The following ZNF596 variants were observed in gnomAD, a reference collection of about 807,000 sequenced individuals.
The protein encoded by ZNF596 is zinc finger protein 596.
A neutral mutation model predicts 48.3 loss-of-function variants in ZNF596; 45 were observed. That is an observed-to-expected ratio of 0.93 (90% confidence interval 0.73 to 1.19). ZNF596 has a LOEUF of 1.19. Among genes scored for constraint, ZNF596 ranks in the 50% most tolerant of loss-of-function variants. ZNF596 has a pLI of 0.00. For synonymous variants in ZNF596, 270 were observed against 202.0 expected (o/e 1.34, Z -2.85); for missense variants, 848 against 599.7 (o/e 1.41, Z -4.32).
rs1225139675 is a variant in ZNF596, at chr8:240,916, G to T, written c.12+9G>T. The T allele has an allele frequency of 1.2e-6, 2 of 1,613,934 alleles. No homozygotes were observed. Among genetic ancestry groups the T allele is most frequent in the Admixed American group, 1.7e-5 (1 of 59,990 alleles). On this transcript the variant is annotated intron_variant, in intron 2 of 5. Transcript: ENST00000398612. ...GTACAATGCCATCACCGGTGAGTGG[G>T]AAATTCTTCTTTCTACTGAAATTTG...
intron 1 of ZNF596, among the ~76,000 whole-genome samples, chr8:236,273 T>G (rs1347254567): frequency 6.6e-6 from 1 of 152,240 alleles, no homozygotes; most frequent in Admixed American, 6.5e-5. Context: ...ATATTCATAA[T>G]AGTTTTGCCC....
At chr8:244,726 G>T in intron 5 of ZNF596, 25 bp downstream of exon 5, 2 of 1,580,920 alleles carry the variant, frequency 1.3e-6, no homozygotes, top group Non-Finnish European at 1.7e-6. Flanking sequence ...TGCAAACCCT[G>T]TTCTTACATA....
chr8:239,091 T>G (rs531231406), intron 1 of ZNF596, among the ~76,000 whole-genome samples: 1 of 152,248 alleles, frequency 6.6e-6, no homozygotes, highest in South Asian at 2.1e-4. Context: ...AGACAGGTTA[T>G]TTGAAATTAT....
intron 1 of ZNF596, among the ~76,000 whole-genome samples, chr8:236,727 T>A (rs892787142): frequency 6.6e-6 from 1 of 152,228 alleles, no homozygotes; most frequent in Non-Finnish European, 1.5e-5. Context: ...ATCCTTTTAT[T>A]ATTGCAATAA....
rs1193106799 is a variant in ZNF596 at position 246,742 on chromosome 8, C to G, written c.*380C>G. The G allele has an allele frequency of 5.7e-6, 1 of 174,098 alleles. No individual in the cohort carries two copies. The allele number at this position is 174,098 out of a possible 1,614,324, so 10.8% of individuals were successfully genotyped here. On this transcript the variant is annotated 3_prime_UTR_variant, in exon 6 of 6. Coordinates refer to ENST00000398612, the MANE Select transcript of ZNF596 (RefSeq NM_001042416.3). ...AATCCACAGGCAAGCAACCATATGT[C>G]TGTAATTGCTGTGCACTCTCATTCA...
In ZNF596 at chr8:232,650, C is replaced by T. The variant is rs1796452783; in HGVS notation, c.-117C>T. 2 of 371,470 alleles carry T rather than the reference C, an allele frequency of 5.4e-6. No homozygotes were observed. Among genetic ancestry groups the T allele is most frequent in the Admixed American group, 3.8e-5 (1 of 26,622 alleles). 23.0% of individuals were successfully genotyped at this position (371,470 alleles called of 1,614,324 possible). ...GTCGCCCCTGTCCGGCCCTTCCACC[C>T]TAGTTCTCTTCACCGTCCGCCCATC... On this transcript the variant is annotated 5_prime_UTR_variant, in exon 1 of 6. Coordinates refer to ENST00000398612, the MANE Select transcript of ZNF596 (RefSeq NM_001042416.3).
At chr8:241,445 T>C (rs550601830) in intron 2 of ZNF596, among the ~76,000 whole-genome samples, 1 of 152,180 alleles carries the variant, frequency 6.6e-6, no homozygotes. Flanking sequence ...AAAATCTTAA[T>C]GTCTTGAGAG....
At chr8:239,836 G>T (rs1435226153) in intron 1 of ZNF596, among the ~76,000 whole-genome samples, 2 of 152,056 alleles carry the variant, frequency 1.3e-5, no homozygotes, top group African/African-American at 4.8e-5. Context: ...AAGGATAGGG[G>T]GTGGGACTGT....
intron 1 of ZNF596, chr8:237,432 G>A (rs573094318): frequency 3.9e-5 from 6 of 152,070 alleles, no homozygotes; most frequent in African/African-American, 9.6e-5. Flanking sequence ...AAAGTTTTAC[G>A]TTTCTTGAAG....
rs768157600 is a variant in ZNF596, at chr8:245,703, A to AT, written c.856_857insT (p.Lys286IlefsTer8). 2.2e-5 allele frequency: 35 copies of AT among 1,614,064 alleles called. No individual in the cohort carries two copies. Among genetic ancestry groups the AT allele is most frequent in the Admixed American group, 3.3e-5 (2 of 59,998 alleles). On this transcript the variant is annotated frameshift_variant, in exon 6 of 6. Transcript: ENST00000398612. LOFTEE classifies it high-confidence loss of function. ...AGCACAGATATGCCATCTATGTGGG[A>AT]AAGCCTTCACTCATTGCTCTGACCT... is the stretch of plus-strand genomic sequence containing the variant.
chr8:244,834 G>C (rs1584914219), intron 5 of ZNF596, 133 bp downstream of exon 5: 1 of 753,530 alleles, frequency 1.3e-6, no homozygotes, highest in South Asian at 1.9e-5. Flanking sequence ...ATTTAGTGAA[G>C]ACGTTAACTT....
intron 2 of ZNF596, among the ~76,000 whole-genome samples, chr8:242,181 G>A (rs73668548): frequency 6.6e-6 from 1 of 152,180 alleles, no homozygotes; most frequent in African/African-American, 2.4e-5. Flanking sequence ...CCATCTTTCA[G>A]TACTGAAGTC....
At position 245,410 on chromosome 8, in the gene ZNF596, C is replaced by T. The variant is rs1201636592; in HGVS notation, c.563C>T (p.Thr188Ile). 1 of 1,614,040 alleles carries T rather than the reference C, an allele frequency of 6.2e-7. No homozygotes were observed. The highest frequency in any genetic ancestry group is 1.3e-5 in the African/African-American group (1 of 74,928). ...TCTGCCCTTAGACCACACAGTGTGA[C>T]TCACACTAGAGAGATAACATTGGAA... is the stretch of plus-strand genomic sequence containing the variant. ...QNSALRPHSV[T>I]HTREITLECR... The change falls in exon 6 of 6, where the codon ACT becomes ATT. Residue 188 changes from threonine (T) to isoleucine (I), a missense_variant. Coordinates refer to ENST00000398612, the MANE Select transcript of ZNF596 (RefSeq NM_001042416.3).
chr8:239,378 G>A (rs919550369), intron 1 of ZNF596, among the ~76,000 whole-genome samples: 1 of 152,192 alleles, frequency 6.6e-6, no homozygotes, highest in South Asian at 2.1e-4. Flanking sequence ...TAGTAGAAAC[G>A]GGGTTTTGGG....
chr8:243,928 C>T, intron 4 of ZNF596, 123 bp downstream of exon 4: 1 of 768,270 alleles, frequency 1.3e-6, no homozygotes, highest in East Asian at 3.1e-5. Flanking sequence ...CACTCTGTCA[C>T]CCAGGCTGGA....
intron 1 of ZNF596, among the ~76,000 whole-genome samples, chr8:238,628 CAAAA>C (rs1167168569): frequency 1.3e-4 from 5 of 39,882 alleles, no homozygotes; most frequent in South Asian, 9.4e-4. Flanking sequence ...TGGTGAAATA[CAAAA>C]AAAAAAAAAA....
intron 1 of ZNF596, chr8:234,588 T>A (rs1796549917): frequency 6.6e-6 from 1 of 152,216 alleles, no homozygotes; most frequent in Admixed American, 6.5e-5. Flanking sequence ...ATATGGCACT[T>A]TCACTGGAAA....
intron 4 of ZNF596, chr8:244,030 GGTGT>G: frequency 1.5e-5 from 5 of 339,686 alleles, no homozygotes; most frequent in Non-Finnish European, 2.8e-5. Context: ...TAGGACTACA[GGTGT>G]GCGCCACCAT....
At position 245,870 on chromosome 8, in the gene ZNF596, A is replaced by C. The variant is rs1185244758; in HGVS notation, c.1023A>C (p.Gly341=). 4 of 1,613,564 alleles carry C rather than the reference A, an allele frequency of 2.5e-6. No homozygotes were observed. The highest frequency in any genetic ancestry group is 3.4e-6 in the Non-Finnish European group (4 of 1,179,872). Residue 341 remains glycine, a synonymous_variant, in exon 6 of 6, where the codon GGA becomes GGC. Transcript: ENST00000398612. ...GEKPYECHLC[G]KAFSHCSHLR... is the part of the protein sequence containing the mutation. ...AACCATATGAATGTCATCTATGTGG[A>C]AAAGCCTTCTCTCATTGTTCTCACC...
Sources: allele counts gnomAD v4.1 joint callset (sites outside exome capture counted in the v4.1 genomes callset), GRCh38; gene constraint gnomAD v4.1.1; transcripts MANE v1.5; gene names NCBI Gene and HGNC (gene_info 2026-07-23, HGNC 2026-07-21).